MCFD2: variants seen among roughly 807,000 people sequenced by gnomAD.
MCFD2 encodes multiple coagulation factor deficiency protein 2.
In MCFD2, 11 loss-of-function variants were observed where a neutral mutation model predicts 12.8. That is an observed-to-expected ratio of 0.86 (90% CI 0.54 to 1.42). The LOEUF (loss-of-function observed/expected upper bound fraction) is 1.42, where lower values mean the gene tolerates loss of function less well. MCFD2 is among the 40% of genes most tolerant of loss of function. MCFD2 has a pLI of 0.00. For missense variants in MCFD2, 191 were observed against 178.6 expected, an observed-to-expected ratio of 1.07 and a Z score of -0.40; for synonymous variants, 70 against 68.1, an observed-to-expected ratio of 1.03 and a Z score of -0.14.
At chr2:46,910,083 G>A (rs7599005) in intron 1 of MCFD2, among the ~76,000 whole-genome samples, 111 of 152,242 alleles carry the variant, frequency 7.3e-4, no homozygotes, top group African/African-American at 2.5e-3. Flanking sequence ...TACAGTGAGC[G>A]GGCACTGGAA....
At chr2:46,909,660 G>C (rs1472882069) in intron 1 of MCFD2, among the ~76,000 whole-genome samples, 2 of 152,202 alleles carry the variant, frequency 1.3e-5, no homozygotes, top group African/African-American at 4.8e-5. Context: ...GATATGCAGG[G>C]ACTGAAGGAC....
Position 46,939,010 on chromosome 2 carries a change from C to CA in MCFD2, c.-8+2561dup, listed in dbSNP as rs1190579295. Among the ~76,000 whole-genome samples the CA allele has an allele frequency of 6.2e-3, 477 of 76,910 alleles. 5 individuals are homozygous for CA. The highest frequency in any genetic ancestry group is 0.019 in the South Asian group (45 of 2,418). The allele number at this position is 76,910 out of a possible 152,430, so 50.5% of individuals were successfully genotyped here. On this transcript the variant is annotated intron_variant, in intron 1 of 2. Coordinates refer to the MCFD2 transcript ENST00000409147. ...TGGGCAACAGAGCGAGACTCTGTCT[C>CA]AAAAAAAAAAAAAAAAAGTACTTTG...
Position 46,941,419 on chromosome 2 carries a change from C to T in MCFD2, c.-8+153G>A. ...CGCCGCCCGGGCCCCCGCTGCCGCC[C>T]GGGCCCCGGCTGCCGTCTGCGCCCC... is the stretch of plus-strand genomic sequence containing the variant. On this transcript the variant is annotated intron_variant, in intron 1 of 2. Transcript: ENST00000409147. This position sits in a 1 kb window ranked among gnomAD's most constrained non-coding sequence, Gnocchi z 4.2. 2.9e-6 allele frequency: 3 copies of T among 1,017,646 alleles called. No individual in the cohort carries two copies. The highest frequency in any genetic ancestry group is 2.5e-6 in the Non-Finnish European group (2 of 800,168). 63.0% of individuals were successfully genotyped at this position (1,017,646 alleles called of 1,614,324 possible).
rs1670265592 is a variant in MCFD2 at position 46,940,811 on chromosome 2, C to T, written c.-8+761G>A. ...ACAGGGCGGGGCGGACAGCGGCAGG[C>T]CAGCTCCCGGGAGGCTCGCCGTCGG... On this transcript the variant is annotated intron_variant, in intron 1 of 2. Coordinates refer to the MCFD2 transcript ENST00000409147. The surrounding 1 kb of genome is among the most constrained non-coding windows in gnomAD (Gnocchi z 4.7). Among the ~76,000 whole-genome samples, 1 of 152,080 alleles carries T rather than the reference C, an allele frequency of 6.6e-6. No homozygotes were observed. Among genetic ancestry groups the T allele is most frequent in the South Asian group, 2.1e-4 (1 of 4,830 alleles).
At chr2:46,918,470 G>T (rs116044811), upstream of MCFD2, among the ~76,000 whole-genome samples, 32 of 152,312 alleles carry the variant, frequency 2.1e-4, no homozygotes, top group African/African-American at 7.0e-4. Flanking sequence ...CCATAAGTGA[G>T]AAGCCACCTT....
chr2:46,909,711 G>A (rs1233603184), intron 1 of MCFD2, among the ~76,000 whole-genome samples: 2 of 152,088 alleles, frequency 1.3e-5, no homozygotes, highest in African/African-American at 2.4e-5. Context: ...GCCCACAAGC[G>A]GGAAAGAAAC....
In MCFD2 at chr2:46,941,380, T is replaced by TGCC. The variant is rs1670353228; in HGVS notation, c.-8+191_-8+192insGGC. On this transcript the variant is annotated intron_variant, in intron 1 of 2. Coordinates refer to the MCFD2 transcript ENST00000409147. This position sits in a 1 kb window ranked among gnomAD's most constrained non-coding sequence, Gnocchi z 4.2. ...GAGCTGCTGGTGCTGCTGCTGCTGCTGCTGCCCACCCTCCGCCGCCCGGGC... is the reference window on the plus strand; with the variant it reads ...GAGCTGCTGGTGCTGCTGCTGCTGCTGCCGCTGCCCACCCTCCGCCGCCCGGGC... The TGCC allele has an allele frequency of 2.1e-6, 1 of 486,206 alleles. No homozygotes were observed. Among genetic ancestry groups the TGCC allele is most frequent in the Non-Finnish European group, 2.9e-6 (1 of 340,398 alleles). The allele number at this position is 486,206 out of a possible 1,614,324, so 30.1% of individuals were successfully genotyped here. A position where few individuals can be genotyped will look rare whatever the true frequency, so the allele number is the denominator to read the frequency against.
chr2:46,917,758 C>A (rs1668889741), upstream of MCFD2, among the ~76,000 whole-genome samples: 1 of 152,214 alleles, frequency 6.6e-6, no homozygotes, highest in African/African-American at 2.4e-5. Flanking sequence ...CTAGTGGTCT[C>A]TTTGATCTCT....
At chr2:46,933,895 G>C (rs73926970) in intron 1 of MCFD2, among the ~76,000 whole-genome samples, 8,679 of 152,226 alleles carry the variant, frequency 0.057, 300 homozygotes, top group African/African-American at 0.089. Context: ...AGGGCTCTAA[G>C]GGACCCCACA....
chr2:46,913,532 C>A (rs944561950), intron 1 of MCFD2, among the ~76,000 whole-genome samples: 2 of 152,242 alleles, frequency 1.3e-5, no homozygotes, highest in African/African-American at 4.8e-5. Context: ...ACCCAAATAA[C>A]AGGTTGCATC....
At chr2:46,928,470 A>AC (rs1386494806) in intron 1 of MCFD2, among the ~76,000 whole-genome samples, 3 of 151,070 alleles carry the variant, frequency 2.0e-5, no homozygotes, top group African/African-American at 7.3e-5. Context: ...AAAAAAAAAA[A>AC]AAAAAAAAAA....
intron 1 of MCFD2, among the ~76,000 whole-genome samples, chr2:46,926,934 A>G (rs1010945811): frequency 2.0e-5 from 3 of 152,164 alleles, no homozygotes; most frequent in African/African-American, 7.2e-5. Flanking sequence ...AACATTAGAA[A>G]AAAGAACTAA....
chr2:46,931,541 G>A (rs1669703278), intron 1 of MCFD2, among the ~76,000 whole-genome samples: 1 of 152,166 alleles, frequency 6.6e-6, no homozygotes. Context: ...GAGTAGAGGT[G>A]CCCATGGAAG....
chr2:46,911,950 C>T (rs1039251553), intron 1 of MCFD2, among the ~76,000 whole-genome samples: 4 of 152,132 alleles, frequency 2.6e-5, no homozygotes, highest in African/African-American at 7.2e-5. Context: ...CTATATGGAT[C>T]GGATACAAAA....
chr2:46,902,203 C>G lies in MCFD2; in HGVS notation c.*3260G>C, dbSNP rs900000203. 2 of 152,626 alleles carry G rather than the reference C, an allele frequency of 1.3e-5. No individual in the cohort carries two copies. Among genetic ancestry groups the G allele is most frequent in the African/African-American group, 4.8e-5 (2 of 41,432 alleles). 9.5% of individuals were successfully genotyped at this position (152,626 alleles called of 1,614,324 possible). A position where few individuals can be genotyped will look rare whatever the true frequency, so the allele number is the denominator to read the frequency against. ...TTTTCAAATACTATAAAGATTCACA[C>G]TGTTAAAGGGTTTTTTGGGTTCCTT... On this transcript the variant is annotated 3_prime_UTR_variant, in exon 4 of 4. Coordinates refer to ENST00000319466, the MANE Select transcript of MCFD2 (RefSeq NM_139279.6).
intron 1 of MCFD2, chr2:46,913,597 C>T (rs1035395857): frequency 6.6e-6 from 1 of 152,286 alleles, no homozygotes; most frequent in African/African-American, 2.4e-5. Context: ...TGAAGATAAG[C>T]CCCAGCTCAC....
chr2:46,926,936 A>G (rs1669413888), intron 1 of MCFD2, among the ~76,000 whole-genome samples: 1 of 152,154 alleles, frequency 6.6e-6, no homozygotes, highest in African/African-American at 2.4e-5. Context: ...CATTAGAAAA[A>G]AGAACTAAAT....
intron 1 of MCFD2, among the ~76,000 whole-genome samples, chr2:46,922,499 G>A (rs1338580877): frequency 5.9e-5 from 9 of 152,074 alleles, no homozygotes; most frequent in Non-Finnish European, 8.8e-5. Context: ...CCAGACCTGA[G>A]TGCGGGCAGA....
intron 1 of MCFD2, among the ~76,000 whole-genome samples, chr2:46,933,888 G>T (rs533404542): frequency 6.6e-6 from 1 of 152,154 alleles, no homozygotes; most frequent in African/African-American, 2.4e-5. Flanking sequence ...GGAACACAGG[G>T]CTCTAAGGGA....
Sources: gnomAD v4.1 joint callset for allele counts (sites outside exome capture counted in the v4.1 genomes callset) on GRCh38, gnomAD v4.1.1 for gene constraint, Gnocchi (gnomAD v3.1) non-coding constraint, MANE v1.5 for transcripts, NCBI Gene and HGNC (gene_info 2026-07-23, HGNC 2026-07-21) for gene names.